The following AP1M1 variants were observed in gnomAD, a reference collection of about 807,000 sequenced individuals.
AP1M1 encodes the protein AP-1 complex subunit mu-1.
In AP1M1, 18 loss-of-function variants were observed where a neutral mutation model predicts 57.1. The ratio of observed to expected loss-of-function variants is 0.32; its 90% confidence interval spans 0.22 to 0.47. The LOEUF (loss-of-function observed/expected upper bound fraction) is 0.47. AP1M1 is among the 20% of genes least tolerant of loss of function. AP1M1 has a pLI of 1.00. For missense variants in AP1M1, 362 were observed against 593.5 expected, an observed-to-expected ratio of 0.61 and a Z score of 4.05; for synonymous variants, 241 against 237.9, an observed-to-expected ratio of 1.01 and a Z score of -0.12.
intron 10 of AP1M1, 111 bp downstream of exon 10, chr19:16,233,729 T>TGCTGTG: frequency 1.5e-6 from 2 of 1,373,046 alleles, no homozygotes; most frequent in Non-Finnish European, 2.0e-6. Flanking sequence ...ATCAGGACCC[T>TGCTGTG]GCTGTGCTGT....
intron 5 of AP1M1, among the ~76,000 whole-genome samples, chr19:16,220,660 G>A (rs2091540173): frequency 6.6e-6 from 1 of 152,086 alleles, no homozygotes; most frequent in African/African-American, 2.4e-5. Flanking sequence ...CAAAATGCTG[G>A]GATTACAGGC....
intron 5 of AP1M1, among the ~76,000 whole-genome samples, chr19:16,214,917 G>A (rs2091511116): frequency 6.6e-6 from 1 of 151,290 alleles, no homozygotes; most frequent in Non-Finnish European, 1.5e-5. Flanking sequence ...CCCGGCTAAT[G>A]TATATGTTTT....
intron 6 of AP1M1, among the ~76,000 whole-genome samples, chr19:16,226,972 G>A (rs1037076892): frequency 4.6e-5 from 7 of 152,170 alleles, no homozygotes; most frequent in Admixed American, 3.3e-4. Context: ...AGCAGGGCGG[G>A]GGCAGAGGGG....
chr19:16,234,297 G>C, intron 11 of AP1M1, 23 bp downstream of exon 11: 3 of 1,613,418 alleles, frequency 1.9e-6, no homozygotes, highest in African/African-American at 2.7e-5. Flanking sequence ...CTACCCGTGG[G>C]GTGGGGTTGT....
In AP1M1 at chr19:16,227,791, C is replaced by T. The variant is rs547728103; in HGVS notation, c.816+101C>T. 51 of 1,422,614 alleles carry T rather than the reference C, an allele frequency of 3.6e-5. No homozygotes were observed. In the African/African-American group the frequency reaches 4.1e-4, roughly 11 times the overall value. The allele number at this position is 1,422,614 out of a possible 1,614,324, so 88.1% of individuals were successfully genotyped here. A position where few individuals can be genotyped will look rare whatever the true frequency, so the allele number is the denominator to read the frequency against. ...AGGCGCCAGGGCCAGCCCCACCCCA[C>T]GCTCCATGAGCTGCCTGGCTCTGCA... On this transcript the variant is annotated intron_variant, in intron 7 of 11. Coordinates refer to ENST00000291439, the MANE Select transcript of AP1M1 (RefSeq NM_032493.4). The surrounding 1 kb of genome is among the most constrained non-coding windows in gnomAD (Gnocchi z 6.2).
Position 16,227,260 on chromosome 19 carries a change from A to G in AP1M1, c.674-288A>G, listed in dbSNP as rs1362576772. Reference sequence around the variant, plus strand: ...CCCCAGCCAAGTCCACTGATCAATCATTCAGTGAACGTGTCCTGAGCAGGT... The same window carrying G: ...CCCCAGCCAAGTCCACTGATCAATCGTTCAGTGAACGTGTCCTGAGCAGGT... On this transcript the variant is annotated intron_variant, in intron 6 of 11. Transcript: ENST00000291439. This position sits in a 1 kb window ranked among gnomAD's most constrained non-coding sequence, Gnocchi z 6.2. Among the ~76,000 whole-genome samples, 3 of 152,074 alleles carry G rather than the reference A, an allele frequency of 2.0e-5. No individual in the cohort carries two copies. Among genetic ancestry groups the G allele is most frequent in the Non-Finnish European group, 4.4e-5 (3 of 67,964 alleles).
intron 5 of AP1M1, among the ~76,000 whole-genome samples, chr19:16,214,356 C>CTT (rs36058142): frequency 0.65 from 86,175 of 131,682 alleles, 29,949 homozygotes; most frequent in Non-Finnish European, 0.79. Flanking sequence ...TGCACCCGGC[C>CTT]TTTTTTTTTT....
Position 16,227,078 on chromosome 19 carries a change from G to A in AP1M1, c.674-470G>A, listed in dbSNP as rs1019984339. Among the ~76,000 whole-genome samples the A allele has an allele frequency of 3.3e-5, 5 of 152,160 alleles. No homozygotes were observed. The highest frequency in any genetic ancestry group is 1.2e-4 in the African/African-American group (5 of 41,442). On this transcript the variant is annotated intron_variant, in intron 6 of 11. Transcript: ENST00000291439. The surrounding 1 kb of genome is among the most constrained non-coding windows in gnomAD (Gnocchi z 6.2). The stretch of plus-strand genomic sequence containing the variant: ...CTGGGCATGCCCCCGTTCCTAGCCC[G>A]GTGAGGGCTTCTCGGGCATCAGTCT...
intron 4 of AP1M1, 79 bp downstream of exon 4, chr19:16,208,228 G>T: frequency 6.8e-7 from 1 of 1,470,344 alleles, no homozygotes. Context: ...GGAAACAGAA[G>T]GGGCAAATTT....
At position 16,244,882 on chromosome 19, in the gene AP1M1, T is replaced by TTTTTTTTTTTTG. The variant is rs370663435; in HGVS notation, c.*10449_*10450insTTTTTTTTTGTT. ...TAAATAACATGGATAAAATTTGTTG[T>TTTTTTTTTTTTG]TTGTTGTTGTTGTTGTTGTTGTTGT... On this transcript the variant is annotated 3_prime_UTR_variant, in exon 12 of 12. Transcript: ENST00000291439. The TTTTTTTTTTTTG allele has an allele frequency of 1.5e-4, 22 of 149,574 alleles. No individual in the cohort carries two copies. Among genetic ancestry groups the TTTTTTTTTTTTG allele is most frequent in the African/African-American group, 5.0e-4 (20 of 39,910 alleles). 9.3% of individuals were successfully genotyped at this position (149,574 alleles called of 1,614,324 possible).
chr19:16,198,184 G>A, intron 1 of AP1M1, 116 bp downstream of exon 1: 1 of 1,218,788 alleles, frequency 8.2e-7, no homozygotes, highest in Non-Finnish European at 1.1e-6. Context: ...GTGTGAGGCA[G>A]AGAGGCCGGT....
intron 10 of AP1M1, 89 bp downstream of exon 10, chr19:16,233,707 C>CA (rs1312567856): frequency 4.7e-6 from 7 of 1,474,562 alleles, no homozygotes; most frequent in Non-Finnish European, 6.4e-6. Flanking sequence ...GAAAGGGTGT[C>CA]AGTCAGCTGC....
At chr19:16,226,226 G>T (rs558832246) in intron 5 of AP1M1, among the ~76,000 whole-genome samples, 195 bp from the exon 6 acceptor site, 1 of 152,184 alleles carries the variant, frequency 6.6e-6, no homozygotes, top group African/African-American at 2.4e-5. Flanking sequence ...TCAGCCAGGC[G>T]TGGGTTGGTG....
chr19:16,201,388 C>CTTTTTTTTTTTTTTTT (rs57467734), intron 1 of AP1M1, among the ~76,000 whole-genome samples: 1 of 62,374 alleles, frequency 1.6e-5, no homozygotes, highest in Non-Finnish European at 2.9e-5. Context: ...GGGAGGATTT[C>CTTTTTTTTTTTTTTTT]TTTTTTTTTT....
intron 9 of AP1M1, 83 bp from the exon 10 acceptor site, chr19:16,233,410 C>G: frequency 2.8e-6 from 4 of 1,450,748 alleles, no homozygotes; most frequent in Non-Finnish European, 3.6e-6. Flanking sequence ...TGGTCAGTCT[C>G]TGCCCATCGC....
At chr19:16,234,004 C>G in intron 10 of AP1M1, 195 bp from the exon 11 acceptor site, 1 of 605,772 alleles carries the variant, frequency 1.7e-6, no homozygotes, top group Non-Finnish European at 2.8e-6. Context: ...GGCTGCTCAC[C>G]ACTTCCAGAG....
intron 9 of AP1M1, among the ~76,000 whole-genome samples, chr19:16,232,878 G>A (rs915523927): frequency 6.6e-6 from 1 of 152,190 alleles, no homozygotes; most frequent in Non-Finnish European, 1.5e-5. Context: ...GCAGAGAGAG[G>A]GTGAAGGTCA....
At chr19:16,204,897 C>A (rs909325813) in intron 2 of AP1M1, among the ~76,000 whole-genome samples, 4 of 150,644 alleles carry the variant, frequency 2.7e-5, no homozygotes, top group Non-Finnish European at 5.9e-5. Flanking sequence ...GTGGCGCCAT[C>A]TGGGCTCACT....
chr19:16,227,839 G>A lies in AP1M1; in HGVS notation c.816+149G>A. The stretch of plus-strand genomic sequence containing the variant: ...GCAGAGATGGAGTCTGAGGACTTGG[G>A]ACTCCGAGCTTTCTGAGGGGCACAG... On this transcript the variant is annotated intron_variant, in intron 7 of 11. Coordinates refer to ENST00000291439, the MANE Select transcript of AP1M1 (RefSeq NM_032493.4). This position sits in a 1 kb window ranked among gnomAD's most constrained non-coding sequence, Gnocchi z 6.2. 1.8e-6 allele frequency: 2 copies of A among 1,102,258 alleles called. No homozygotes were observed. Among genetic ancestry groups the A allele is most frequent in the African/African-American group, 1.5e-5 (1 of 64,638 alleles). 68.3% of individuals were successfully genotyped at this position (1,102,258 alleles called of 1,614,324 possible). A position where few individuals can be genotyped will look rare whatever the true frequency, so the allele number is the denominator to read the frequency against.
Sources: gnomAD v4.1 joint callset for allele counts (sites outside exome capture counted in the v4.1 genomes callset) on GRCh38, gnomAD v4.1.1 for gene constraint, Gnocchi (gnomAD v3.1) non-coding constraint, MANE v1.5 for transcripts, NCBI Gene and HGNC (gene_info 2026-07-23, HGNC 2026-07-21) for gene names.